The following PLEKHA5 variants were observed in gnomAD, a reference collection of about 807,000 sequenced individuals.
PLEKHA5 encodes the protein pleckstrin homology domain-containing family A member 5.
In PLEKHA5, 55 loss-of-function variants were observed where a neutral mutation model predicts 181.9. The observed-to-expected ratio is 0.30, with a 90% confidence interval of 0.24 to 0.38. PLEKHA5 has a LOEUF of 0.38. Among genes scored for constraint, PLEKHA5 ranks in the 10% least tolerant of loss-of-function variants. PLEKHA5 has a pLI of 1.00. For missense variants in PLEKHA5, 1,432 were observed against 1,549.5 expected, an observed-to-expected ratio of 0.92 and a Z score of 1.27; for synonymous variants, 535 against 529.4, an observed-to-expected ratio of 1.01 and a Z score of -0.15.
At chr12:19,158,639 C>T (rs1302068512) in intron 3 of PLEKHA5, among the ~76,000 whole-genome samples, 9 of 152,162 alleles carry the variant, frequency 5.9e-5, no homozygotes, top group Admixed American at 5.9e-4. Flanking sequence ...TACCTCACTG[C>T]CATCTGACTG....
intron 3 of PLEKHA5, among the ~76,000 whole-genome samples, chr12:19,180,226 G>A (rs1314599808): frequency 6.6e-6 from 1 of 152,118 alleles, no homozygotes; most frequent in African/African-American, 2.4e-5. Flanking sequence ...AGTCTATAAA[G>A]GGATTAACAG....
At chr12:19,331,899 C>T (rs2092879304) in intron 20 of PLEKHA5, among the ~76,000 whole-genome samples, 1 of 152,010 alleles carries the variant, frequency 6.6e-6, no homozygotes, top group African/African-American at 2.4e-5. Flanking sequence ...GTGGTGTGCA[C>T]CTGTACTACT....
chr12:19,185,223 T>C (rs1477191999), intron 3 of PLEKHA5, among the ~76,000 whole-genome samples: 2 of 152,120 alleles, frequency 1.3e-5, no homozygotes, highest in Non-Finnish European at 2.9e-5. Flanking sequence ...TCTGAGAATC[T>C]AACTCACATT....
chr12:19,305,334 G>A (rs1444630366), intron 15 of PLEKHA5, among the ~76,000 whole-genome samples: 4 of 152,116 alleles, frequency 2.6e-5, no homozygotes, highest in African/African-American at 7.2e-5. Context: ...AGGCCGAGGA[G>A]GGCAGATCAC....
At chr12:19,219,423 A>G (rs9805106) in intron 3 of PLEKHA5, among the ~76,000 whole-genome samples, 101,314 of 151,712 alleles carry the variant, frequency 0.67, 36,676 homozygotes, top group Non-Finnish European at 0.82. Flanking sequence ...GTTTGAATAT[A>G]TGTGTGTGTA....
intron 6 of PLEKHA5, among the ~76,000 whole-genome samples, chr12:19,259,375 A>G (rs1447184004): frequency 2.0e-5 from 3 of 152,046 alleles, no homozygotes; most frequent in Non-Finnish European, 4.4e-5. Context: ...TCCAAAAAAA[A>G]AAGTGTTTAT....
At chr12:19,188,155 G>A (rs2050272334) in intron 3 of PLEKHA5, among the ~76,000 whole-genome samples, 1 of 152,178 alleles carries the variant, frequency 6.6e-6, no homozygotes, top group African/African-American at 2.4e-5. Flanking sequence ...ATGCAGGTTT[G>A]AACATTACTA....
chr12:19,137,599 CAT>C (rs2036031900), intron 3 of PLEKHA5, among the ~76,000 whole-genome samples: 1 of 152,194 alleles, frequency 6.6e-6, no homozygotes, highest in South Asian at 2.1e-4. Context: ...GTTTGGGGAA[CAT>C]AGACTTATTT....
intron 3 of PLEKHA5, among the ~76,000 whole-genome samples, chr12:19,144,468 A>G (rs1167231672): frequency 6.7e-6 from 1 of 149,572 alleles, no homozygotes; most frequent in Non-Finnish European, 1.5e-5. Flanking sequence ...AACAGACCAC[A>G]GTTTTAGACA....
chr12:19,218,149 A>G (rs1262042212), intron 3 of PLEKHA5, among the ~76,000 whole-genome samples: 1 of 152,178 alleles, frequency 6.6e-6, no homozygotes, highest in Non-Finnish European at 1.5e-5. Flanking sequence ...AAGCTTAAGA[A>G]TAGTTGAAAA....
intron 17 of PLEKHA5, 37 bp downstream of exon 17, chr12:19,320,093 A>G (rs2090239074): frequency 1.3e-6 from 1 of 759,588 alleles, no homozygotes; most frequent in Non-Finnish European, 2.0e-6. Context: ...TGTATACAAT[A>G]TGTTATAGGT....
In PLEKHA5 at chr12:19,322,323, G is replaced by A. The variant is rs746093389; in HGVS notation, c.2231G>A (p.Arg744Gln). ...EEVDIDAKLS[R>Q]LCEQDKVVHA... ...CTTATAACCTAGGCCAAGTTAAGCC[G>A]ATTATGTGAACAAGATAAAGTGGTG... is the stretch of plus-strand genomic sequence containing the variant. The change falls in exon 19 of 32, where the codon CGA becomes CAA. Residue 744 changes from arginine (R) to glutamine (Q), a missense_variant. By Grantham distance (43) the Arg-to-Gln change is conservative. Transcript: ENST00000429027. 1.3e-5 allele frequency: 21 copies of A among 1,612,586 alleles called. No homozygotes were observed. The highest frequency in any genetic ancestry group is 2.2e-5 in the South Asian group (2 of 91,046).
intron 20 of PLEKHA5, among the ~76,000 whole-genome samples, chr12:19,335,819 A>G (rs966110949): frequency 6.6e-6 from 1 of 151,934 alleles, no homozygotes; most frequent in African/African-American, 2.4e-5. Flanking sequence ...TTCAGTAGAG[A>G]CAGGGTTTCA....
intron 21 of PLEKHA5, among the ~76,000 whole-genome samples, chr12:19,340,500 T>G (rs2093808519): frequency 6.9e-6 from 1 of 145,094 alleles, no homozygotes; most frequent in Non-Finnish European, 1.5e-5. Flanking sequence ...GGCGGTTTTG[T>G]GGAATAGAAA....
chr12:19,339,610 G>A (rs2093704299), intron 21 of PLEKHA5, among the ~76,000 whole-genome samples: 1 of 151,834 alleles, frequency 6.6e-6, no homozygotes, highest in Non-Finnish European at 1.5e-5. Context: ...CAAATTTCCA[G>A]TAGAATTTTC....
intron 3 of PLEKHA5, among the ~76,000 whole-genome samples, chr12:19,203,133 A>T (rs985929074): frequency 1.3e-5 from 2 of 152,094 alleles, no homozygotes; most frequent in African/African-American, 2.4e-5. Flanking sequence ...AGAACACTTA[A>T]GTTGGATGTA....
At chr12:19,202,683 G>A (rs1052824539) in intron 3 of PLEKHA5, among the ~76,000 whole-genome samples, 2 of 152,020 alleles carry the variant, frequency 1.3e-5, no homozygotes, top group African/African-American at 4.8e-5. Flanking sequence ...AACAAACTGT[G>A]GTCTCTGGGT....
intron 3 of PLEKHA5, among the ~76,000 whole-genome samples, chr12:19,135,505 A>G (rs1211047869): frequency 6.6e-6 from 1 of 152,184 alleles, no homozygotes; most frequent in Non-Finnish European, 1.5e-5. Flanking sequence ...GGAAATATGG[A>G]AAGCTAGCTT....
At chr12:19,210,411 C>G (rs1008912776) in intron 3 of PLEKHA5, among the ~76,000 whole-genome samples, 3 of 152,060 alleles carry the variant, frequency 2.0e-5, no homozygotes, top group African/African-American at 7.2e-5. Context: ...GAACTTTTCC[C>G]ATTAGTTGTC....
Sources: allele counts gnomAD v4.1 joint callset (sites outside exome capture counted in the v4.1 genomes callset), GRCh38; gene constraint gnomAD v4.1.1; transcripts MANE v1.5; gene names NCBI Gene and HGNC (gene_info 2026-07-23, HGNC 2026-07-21).